The following TENM3 variants were observed in gnomAD, a reference collection of about 807,000 sequenced individuals.
TENM3 encodes teneurin-3.
Under a neutral mutation model 255.1 loss-of-function variants are expected in TENM3, and 63 were observed. The ratio of observed to expected loss-of-function variants is 0.25; its 90% confidence interval spans 0.20 to 0.30. TENM3 has a LOEUF of 0.30. TENM3 is among the 10% of genes least tolerant of loss of function. TENM3 has a pLI of 1.00. For missense variants in TENM3, 2,929 were observed against 3,461.1 expected (o/e 0.85, Z 3.86); for synonymous variants, 1,306 against 1,322.3 (o/e 0.99, Z 0.27).
intron 1 of TENM3, among the ~76,000 whole-genome samples, chr4:182,185,329 C>A (rs531204345): frequency 1.3e-5 from 2 of 152,238 alleles, no homozygotes; most frequent in Non-Finnish European, 2.9e-5. Context: ...ATAAATAGAG[C>A]GTTCTTTTCA....
the TENM3 span, among the ~76,000 whole-genome samples, chr4:181,959,597 A>C: frequency 6.6e-6 from 1 of 152,232 alleles, no homozygotes; most frequent in Admixed American, 6.5e-5. Context: ...GATCACCGGC[A>C]TGCCGGCACC....
chr4:181,556,527 A>G, the TENM3 span, among the ~76,000 whole-genome samples: 10 of 152,188 alleles, frequency 6.6e-5, no homozygotes, highest in Non-Finnish European at 1.3e-4. Context: ...TTCGTTAAAG[A>G]CTTACATCAT....
At chr4:182,719,365 G>T (rs1405332034) in intron 13 of TENM3, among the ~76,000 whole-genome samples, 3 of 146,388 alleles carry the variant, frequency 2.0e-5, no homozygotes, top group Admixed American at 1.4e-4. Flanking sequence ...GGGTTCAAGG[G>T]ATTCTCCTGC....
At chr4:181,499,710 G>A in the TENM3 span, among the ~76,000 whole-genome samples, 45,218 of 152,042 alleles carry the variant, frequency 0.3, 7,042 homozygotes, top group Non-Finnish European at 0.35. Context: ...GTGGGGTAAA[G>A]GGATGTGCCT....
At chr4:181,641,581 T>C in the TENM3 span, among the ~76,000 whole-genome samples, 1 of 93,370 alleles carries the variant, frequency 1.1e-5, no homozygotes, top group Non-Finnish European at 2.1e-5. Flanking sequence ...TATATATATA[T>C]ATATATATAT....
the TENM3 span, among the ~76,000 whole-genome samples, chr4:181,992,681 G>A: frequency 6.6e-6 from 1 of 152,092 alleles, no homozygotes; most frequent in Non-Finnish European, 1.5e-5. Context: ...TTTGATCCGT[G>A]ACAAATGGGG....
the TENM3 span, among the ~76,000 whole-genome samples, chr4:181,538,317 T>C: frequency 3.4e-3 from 520 of 152,324 alleles, 4 homozygotes; most frequent in African/African-American, 0.012. Context: ...TTTTACTCAC[T>C]TATTCATTTA....
At chr4:181,602,757 A>C in the TENM3 span, among the ~76,000 whole-genome samples, 1 of 152,326 alleles carries the variant, frequency 6.6e-6, no homozygotes, top group African/African-American at 2.4e-5. Flanking sequence ...GGACATATGG[A>C]TCACTATAAG....
intron 3 of TENM3, among the ~76,000 whole-genome samples, chr4:182,386,668 C>G (rs1046694377): frequency 1.3e-5 from 2 of 152,196 alleles, no homozygotes; most frequent in East Asian, 1.9e-4. Context: ...GCCGGCCGGC[C>G]GGGGCAGTGA....
In TENM3 at chr4:182,614,162, T is replaced by C. The variant is rs189263846; in HGVS notation, c.749+13001T>C. On this transcript the variant is annotated intron_variant, in intron 4 of 27. Coordinates refer to ENST00000511685, the MANE Select transcript of TENM3 (RefSeq NM_001080477.4). ...TTATTTTCTTATTTAAAGTGTTTAT[T>C]TTTAAAATGCATACCAGAATTAATT... Among the ~76,000 whole-genome samples the C allele has an allele frequency of 4.4e-3, 670 of 152,318 alleles. 2 individuals are homozygous for C. The highest frequency in any genetic ancestry group is 0.016 in the African/African-American group (647 of 41,574).
chr4:182,096,188 G>A, the TENM3 span, among the ~76,000 whole-genome samples: 2 of 151,342 alleles, frequency 1.3e-5, no homozygotes, highest in African/African-American at 4.9e-5. Context: ...TATCAAAGAA[G>A]CTATCAATCA....
At chr4:181,806,382 C>A in the TENM3 span, among the ~76,000 whole-genome samples, 3 of 152,212 alleles carry the variant, frequency 2.0e-5, no homozygotes, top group East Asian at 5.8e-4. Context: ...TGGCTGTCCC[C>A]ACCCCCGGCC....
At chr4:182,129,040 A>C in the TENM3 span, among the ~76,000 whole-genome samples, 8 of 152,358 alleles carry the variant, frequency 5.3e-5, no homozygotes, top group East Asian at 1.5e-3. Flanking sequence ...GAGGCCACGC[A>C]GAAAGATCTG....
At chr4:181,630,449 C>G in the TENM3 span, among the ~76,000 whole-genome samples, 2 of 152,268 alleles carry the variant, frequency 1.3e-5, no homozygotes, top group South Asian at 4.1e-4. Context: ...GATTTTAGCT[C>G]TTTCCTGCTT....
At chr4:182,632,671 C>A (rs534707613) in intron 5 of TENM3, among the ~76,000 whole-genome samples, 35 of 151,938 alleles carry the variant, frequency 2.3e-4, no homozygotes, top group Non-Finnish European at 4.3e-4. Flanking sequence ...TGTACTTCTC[C>A]AATTTATTAT....
At chr4:182,597,964 G>A (rs759142139) in intron 3 of TENM3, among the ~76,000 whole-genome samples, 1 of 152,024 alleles carries the variant, frequency 6.6e-6, no homozygotes, top group African/African-American at 2.4e-5. Flanking sequence ...AGGCTCACTT[G>A]AGCTCTGGAG....
At chr4:182,133,114 C>A in the TENM3 span, among the ~76,000 whole-genome samples, 1 of 152,112 alleles carries the variant, frequency 6.6e-6, no homozygotes, top group African/African-American at 2.4e-5. Flanking sequence ...TTATGCTTTT[C>A]CCACTACTTA....
chr4:182,390,005 G>A (rs974089778), intron 3 of TENM3, among the ~76,000 whole-genome samples: 3 of 152,150 alleles, frequency 2.0e-5, no homozygotes, highest in African/African-American at 7.2e-5. Flanking sequence ...CTCTTTAAAG[G>A]TCATTTTAGC....
At chr4:181,666,625 A>G in the TENM3 span, among the ~76,000 whole-genome samples, 1 of 152,196 alleles carries the variant, frequency 6.6e-6, no homozygotes, top group South Asian at 2.1e-4. Context: ...ATAAAAATGT[A>G]CTACTTTGAA....
Sources: gnomAD v4.1 joint callset for allele counts (sites outside exome capture counted in the v4.1 genomes callset) on GRCh38, gnomAD v4.1.1 for gene constraint, MANE v1.5 for transcripts, NCBI Gene and HGNC (gene_info 2026-07-23, HGNC 2026-07-21) for gene names.